Variants in PHF24 observed in about 807,000 individuals in gnomAD.
The protein encoded by PHF24 is PHD finger protein 24, also known as Galpha inhibitory interacting protein.
Under a neutral mutation model 42.6 loss-of-function variants are expected in PHF24, and 25 were observed. The ratio of observed to expected loss-of-function variants is 0.59; its 90% CI spans 0.43 to 0.82. The LOEUF is 0.82. Among genes scored for constraint, PHF24 ranks in the 40% least tolerant of loss-of-function variants. The probability of loss-of-function intolerance (pLI) is 0.00; values close to 1 mark genes in which losing one functional copy is unlikely to be tolerated. For synonymous variants in PHF24, 185 were observed against 204.8 expected (o/e 0.90, Z 0.83); for missense variants, 470 against 538.1 (o/e 0.87, Z 1.25).
chr9:34,855,621 A>T, the PHF24 span, among the ~76,000 whole-genome samples: 2 of 152,206 alleles, frequency 1.3e-5, no homozygotes, highest in African/African-American at 2.4e-5. Context: ...CTTCTGGCTT[A>T]TAGTGTTTCC....
At chr9:34,923,052 T>C in the PHF24 span, 13 of 318,778 alleles carry the variant, frequency 4.1e-5, no homozygotes, top group African/African-American at 3.7e-4. Flanking sequence ...TGTTTTTGTT[T>C]TTTTTTTTTT....
At chr9:34,937,373 A>C in the PHF24 span, among the ~76,000 whole-genome samples, 3,452 of 152,260 alleles carry the variant, frequency 0.023, 70 homozygotes, top group Non-Finnish European at 0.033. Flanking sequence ...TCTCTGAAAC[A>C]TGTGCTGTGT....
At chr9:34,960,252 T>C (rs928128585) in intron 1 of PHF24, among the ~76,000 whole-genome samples, 4 of 152,214 alleles carry the variant, frequency 2.6e-5, no homozygotes, top group African/African-American at 9.6e-5. Flanking sequence ...CCTGCTTTCT[T>C]CCACACAGTC....
chr9:34,936,279 C>G, the PHF24 span, among the ~76,000 whole-genome samples: 2 of 152,214 alleles, frequency 1.3e-5, no homozygotes, highest in East Asian at 1.9e-4. Context: ...CTGTGTTCGC[C>G]GGGCTGGTCT....
chr9:34,715,172 C>T, the PHF24 span, among the ~76,000 whole-genome samples: 61 of 151,994 alleles, frequency 4.0e-4, 1 homozygote, highest in African/African-American at 1.3e-3. Context: ...CAAAATCCAG[C>T]GCAGAAAACA....
At chr9:34,881,767 A>G in the PHF24 span, among the ~76,000 whole-genome samples, 4 of 152,142 alleles carry the variant, frequency 2.6e-5, no homozygotes, top group Admixed American at 2.0e-4. Context: ...ATTCACAGCC[A>G]AATTCTACCA....
At chr9:34,857,972 G>GTTTTTTTTTTT in the PHF24 span, among the ~76,000 whole-genome samples, 1 of 95,952 alleles carries the variant, frequency 1.0e-5, no homozygotes, top group Non-Finnish European at 2.4e-5. Flanking sequence ...TGTTTCTCTG[G>GTTTTTTTTTTT]TTTTTTTTTT....
At chr9:34,722,563 T>C in the PHF24 span, among the ~76,000 whole-genome samples, 1 of 152,202 alleles carries the variant, frequency 6.6e-6, no homozygotes. Context: ...GCCTGTGTCA[T>C]GTTCATTGAT....
At chr9:34,937,251 T>G in the PHF24 span, among the ~76,000 whole-genome samples, 1 of 152,182 alleles carries the variant, frequency 6.6e-6, no homozygotes, top group African/African-American at 2.4e-5. Flanking sequence ...ATGGTTGCCG[T>G]GTCTGTGTAG....
the PHF24 span, among the ~76,000 whole-genome samples, chr9:34,873,862 G>A: frequency 3.9e-5 from 6 of 151,992 alleles, no homozygotes; most frequent in African/African-American, 1.4e-4. Context: ...CCATTTGTTT[G>A]TATCCTCTTT....
At chr9:34,968,554 A>G (rs1044702846) in intron 1 of PHF24, among the ~76,000 whole-genome samples, 4 of 152,212 alleles carry the variant, frequency 2.6e-5, no homozygotes, top group African/African-American at 9.6e-5. Context: ...CAATCAGTTT[A>G]TAAATTCAAG....
At chr9:34,977,473 G>A (rs2132935970) in intron 6 of PHF24, 73 bp from the exon 7 acceptor site, 1 of 1,460,050 alleles carries the variant, frequency 6.8e-7, no homozygotes, top group Admixed American at 1.9e-5. Context: ...CAGAGCCTTG[G>A]GCTTACCAGA....
chr9:34,712,929 G>T, the PHF24 span, among the ~76,000 whole-genome samples: 1 of 152,144 alleles, frequency 6.6e-6, no homozygotes, highest in Admixed American at 6.5e-5. Flanking sequence ...GCTTCCTCAG[G>T]GATAGTCTCT....
the PHF24 span, chr9:34,837,785 T>C: frequency 2.3e-6 from 2 of 868,200 alleles, no homozygotes; most frequent in South Asian, 2.9e-5. Context: ...TATTTTCCAC[T>C]CCCTTTCTAT....
the PHF24 span, among the ~76,000 whole-genome samples, chr9:34,810,658 G>T: frequency 6.6e-6 from 1 of 152,220 alleles, no homozygotes; most frequent in African/African-American, 2.4e-5. Flanking sequence ...ATCCATGAGT[G>T]ACTTCCCACG....
chr9:34,864,514 A>G, the PHF24 span, among the ~76,000 whole-genome samples: 2 of 152,200 alleles, frequency 1.3e-5, no homozygotes, highest in Admixed American at 1.3e-4. Context: ...TGAAGGAAAA[A>G]AAAAACTTTT....
chr9:34,790,439 T>A, the PHF24 span, among the ~76,000 whole-genome samples: 1,178 of 151,926 alleles, frequency 7.8e-3, 12 homozygotes, highest in Non-Finnish European at 0.012. Flanking sequence ...GTTTTATTTT[T>A]TAAAAAAAAT....
the PHF24 span, among the ~76,000 whole-genome samples, chr9:34,798,404 T>C: frequency 0.9 from 136,652 of 152,156 alleles, 62,411 homozygotes; most frequent in Non-Finnish European, 0.99. Flanking sequence ...TATCTATTGT[T>C]CCCATCTTTG....
At chr9:34,981,373 C>T in exon 8 of PHF24, 1 of 152,228 alleles carries the variant, frequency 6.6e-6, no homozygotes, top group Non-Finnish European at 1.5e-5. Flanking sequence ...GGGGAGTGAG[C>T]CCCAAGGTTA....
Sources: allele counts gnomAD v4.1 joint callset (sites outside exome capture counted in the v4.1 genomes callset), GRCh38; gene constraint gnomAD v4.1.1; transcripts MANE v1.5; gene names NCBI Gene and HGNC (gene_info 2026-07-23, HGNC 2026-07-21).